Variants in NMNAT3 observed in about 807,000 individuals in gnomAD.
NMNAT3 encodes the protein nicotinamide/nicotinic acid mononucleotide adenylyltransferase 3.
NMNAT3 carries 21 observed loss-of-function variants against 24.8 expected under a neutral mutation model. The observed-to-expected ratio is 0.85, with a 90% CI of 0.60 to 1.22. The LOEUF is 1.22. Ranked by LOEUF, NMNAT3 falls within the 50% of genes most tolerant of loss-of-function variation. The pLI, the probability that NMNAT3 is intolerant of heterozygous loss-of-function variation, is 0.00. For missense variants in NMNAT3, 387 were observed against 436.6 expected (o/e 0.89, Z 1.01); for synonymous variants, 136 against 155.2 (o/e 0.88, Z 0.92).
intron 6 of NMNAT3, chr3:139,570,260 G>T (rs1559857103): frequency 1.3e-5 from 2 of 152,104 alleles, no homozygotes; most frequent in Admixed American, 6.6e-5. Context: ...TTTTTTCAAA[G>T]ATTTTAACTT....
chr3:139,626,318 ATTTT>A (rs2056048790), intron 3 of NMNAT3, among the ~76,000 whole-genome samples: 1 of 151,138 alleles, frequency 6.6e-6, no homozygotes, highest in African/African-American at 2.4e-5. Flanking sequence ...TTCTTCCTGT[ATTTT>A]TAGATAGTTC....
intron 3 of NMNAT3, among the ~76,000 whole-genome samples, chr3:139,594,779 T>G (rs144990287): frequency 0.13 from 20,495 of 152,194 alleles, 1,885 homozygotes; most frequent in Non-Finnish European, 0.21. Context: ...TGCTAAAAAC[T>G]CTCAATAAAT....
At chr3:139,649,832 A>T (rs1250942747) in intron 1 of NMNAT3, among the ~76,000 whole-genome samples, 1 of 152,196 alleles carries the variant, frequency 6.6e-6, no homozygotes, top group African/African-American at 2.4e-5. Flanking sequence ...AATTTGAAAC[A>T]CTGTTTTGGA....
rs562590541 is a variant in NMNAT3 at position 139,578,193 on chromosome 3, C to T, written c.575+679G>A. Among the ~76,000 whole-genome samples, 6 of 152,304 alleles carry T rather than the reference C, an allele frequency of 3.9e-5. No individual in the cohort carries two copies. In the South Asian group the frequency reaches 1.2e-3, roughly 32 times the overall value. The stretch of plus-strand genomic sequence containing the variant: ...AAAGTCTGCAGACACAAGCTAGTGA[C>T]CCACTGCCCTAACATGCAGGGCTGG... On this transcript the variant is annotated intron_variant, in intron 5 of 6. Coordinates refer to ENST00000643695, the MANE Select transcript of NMNAT3 (RefSeq NM_001320510.2).
Position 139,627,618 on chromosome 3 carries a change from GT to G in NMNAT3, c.106del (p.Thr36GlnfsTer22), listed in dbSNP as rs983544986. The G allele has an allele frequency of 6.3e-7, 1 of 1,579,678 alleles. No individual in the cohort carries two copies. Among genetic ancestry groups the G allele is most frequent in the African/African-American group, 1.3e-5 (1 of 74,610 alleles). On this transcript the variant is annotated frameshift_variant, in exon 3 of 7. Transcript: ENST00000643695. LOFTEE classifies it high-confidence loss of function. ...GGACTCAGGGCCCCCTGACTGACCT[GT>G]TTGGTGTAGGTGATCTCTGGCCACC... is the stretch of plus-strand genomic sequence containing the variant.
intron 6 of NMNAT3, among the ~76,000 whole-genome samples, chr3:139,571,776 C>T (rs148027383): frequency 6.6e-6 from 1 of 152,036 alleles, no homozygotes; most frequent in East Asian, 2.0e-4. Flanking sequence ...ATAGGGGAAC[C>T]AAGAATTAAG....
chr3:139,563,513 C>T lies in NMNAT3; in HGVS notation c.659-2121G>A, dbSNP rs565505431. On this transcript the variant is annotated intron_variant, in intron 6 of 6. Coordinates refer to ENST00000643695, the MANE Select transcript of NMNAT3 (RefSeq NM_001320510.2). ...TGCATGTCAGTTTCAACATTGGGTACCGTTTGATTCATTAACAATGACAGC... is the reference window on the plus strand; with the variant it reads ...TGCATGTCAGTTTCAACATTGGGTATCGTTTGATTCATTAACAATGACAGC... Among the ~76,000 whole-genome samples, 134 of 152,160 alleles carry T rather than the reference C, an allele frequency of 8.8e-4. 1 individual carries two copies. The South Asian group carries it at 0.013, about 15-fold the overall frequency.
chr3:139,626,614 C>T (rs1224930162), intron 3 of NMNAT3, among the ~76,000 whole-genome samples: 1 of 152,066 alleles, frequency 6.6e-6, no homozygotes, highest in African/African-American at 2.4e-5. Flanking sequence ...TGGGTAGAGA[C>T]TTTAAATCTT....
intron 3 of NMNAT3, among the ~76,000 whole-genome samples, chr3:139,594,662 G>A (rs1466562485): frequency 5.3e-5 from 8 of 152,242 alleles, no homozygotes; most frequent in African/African-American, 1.2e-4. Context: ...TTCAATATAC[G>A]CAAATCAGTA....
At chr3:139,572,305 G>A in intron 6 of NMNAT3, 1 of 397,794 alleles carries the variant, frequency 2.5e-6, no homozygotes, top group Non-Finnish European at 4.4e-6. Context: ...GCTTATCGGG[G>A]ATGGGTGGGA....
At chr3:139,609,195 G>T (rs879774603) in intron 3 of NMNAT3, among the ~76,000 whole-genome samples, 1 of 152,204 alleles carries the variant, frequency 6.6e-6, no homozygotes, top group Non-Finnish European at 1.5e-5. Context: ...TGTGATGAAC[G>T]TTTGTGTACA....
At chr3:139,628,242 G>T (rs2056141893) in intron 2 of NMNAT3, among the ~76,000 whole-genome samples, 1 of 151,984 alleles carries the variant, frequency 6.6e-6, no homozygotes, top group African/African-American at 2.4e-5. Context: ...CAGACTTATT[G>T]GAAAAAAGTT....
At chr3:139,569,459 A>C (rs1342264735) in intron 6 of NMNAT3, 1 of 152,188 alleles carries the variant, frequency 6.6e-6, no homozygotes. Context: ...ACAATTTGGC[A>C]TGATTTTGCA....
chr3:139,573,639 T>C lies in NMNAT3; in HGVS notation c.617A>G (p.Glu206Gly). The C allele has an allele frequency of 6.2e-7, 1 of 1,606,662 alleles. No homozygotes were observed. The highest frequency in any genetic ancestry group is 8.5e-7 in the Non-Finnish European group (1 of 1,177,014). Residue 206 changes from glutamate (E) to glycine (G), a missense_variant, in exon 6 of 7, where the codon GAA becomes GGA. Glu to Gly is a moderately conservative substitution (Grantham distance 98). Transcript: ENST00000643695. Reference sequence around the variant, plus strand: ...GAGTGCCTTGCCATGGTCTGGGCCTTCCATCTGGGGTGGAGATCTGAGCAG... The same window carrying C: ...GAGTGCCTTGCCATGGTCTGGGCCTCCCATCTGGGGTGGAGATCTGAGCAG...
At chr3:139,622,762 CATATATATCATATATATG>C (rs1458381002) in intron 3 of NMNAT3, among the ~76,000 whole-genome samples, 8 of 133,096 alleles carry the variant, frequency 6.0e-5, no homozygotes, top group Admixed American at 4.7e-4. Context: ...GTATATATAT[CATATATATCATATATATG>C]ATATATATAT....
At chr3:139,591,211 C>T (rs570334760) in intron 3 of NMNAT3, among the ~76,000 whole-genome samples, 24 of 151,472 alleles carry the variant, frequency 1.6e-4, no homozygotes, top group Non-Finnish European at 3.1e-4. Context: ...GGGTGACGGA[C>T]GCACCTGGAA....
intron 1 of NMNAT3, among the ~76,000 whole-genome samples, chr3:139,674,448 A>G (rs2057859088): frequency 6.6e-6 from 1 of 152,202 alleles, no homozygotes; most frequent in Non-Finnish European, 1.5e-5. Context: ...TTACTGGGGA[A>G]CCATGATAAA....
chr3:139,561,337 G>T lies in NMNAT3; in HGVS notation c.714C>A (p.Thr238=). 6.2e-7 allele frequency: 1 copy of T among 1,613,880 alleles called. No individual in the cohort carries two copies. Among genetic ancestry groups the T allele is most frequent in the Middle Eastern group, 1.6e-4 (1 of 6,062 alleles). The change falls in exon 7 of 7, where the codon ACC becomes ACA. Residue 238 remains threonine (T), a synonymous_variant. Coordinates refer to ENST00000643695, the MANE Select transcript of NMNAT3 (RefSeq NM_001320510.2). The stretch of plus-strand genomic sequence containing the variant: ...TGTGCGCATCCTTCCAGAGGTTGGG[G>T]GTCTGGAAGGTCTTCAAGACGTCTG...
At chr3:139,601,576 AGTCAAGAGGG>A (rs2054718032) in intron 3 of NMNAT3, among the ~76,000 whole-genome samples, 1 of 152,192 alleles carries the variant, frequency 6.6e-6, no homozygotes. Context: ...CCTGCTTTTA[AGTCAAGAGGG>A]GAACACACTG....
Sources: allele counts gnomAD v4.1 joint callset (sites outside exome capture counted in the v4.1 genomes callset), GRCh38; gene constraint gnomAD v4.1.1; transcripts MANE v1.5; gene names NCBI Gene and HGNC (gene_info 2026-07-23, HGNC 2026-07-21).